Variants in CAMK1D observed in about 807,000 individuals in gnomAD.
CAMK1D encodes calcium/calmodulin-dependent protein kinase type 1D.
Under a neutral mutation model 47.7 loss-of-function variants are expected in CAMK1D, and 9 were observed. That is an observed-to-expected ratio of 0.19 (90% CI 0.11 to 0.33). The LOEUF is 0.33. CAMK1D is among the 10% of genes least tolerant of loss of function. The probability of loss-of-function intolerance (pLI) is 1.00; values close to 1 mark genes in which losing one functional copy is unlikely to be tolerated. For missense variants in CAMK1D, 291 were observed against 488.7 expected (o/e 0.60, Z 3.81); for synonymous variants, 184 against 184.9 (o/e 0.99, Z 0.04).
chr10:12,411,535 T>A lies in CAMK1D; in HGVS notation c.92+61625T>A, dbSNP rs370704528. Among the ~76,000 whole-genome samples the A allele has an allele frequency of 1.1e-3, 162 of 151,858 alleles. 1 individual carries two copies. Among genetic ancestry groups the A allele is most frequent in the African/African-American group, 3.7e-3 (153 of 41,416 alleles). ...TGCCCTGTGCCGATGGAAAAAAAAATGGGTTTTCCAGTAGAAATGTACTGT... is the reference window on the plus strand; with the variant it reads ...TGCCCTGTGCCGATGGAAAAAAAAAAGGGTTTTCCAGTAGAAATGTACTGT... On this transcript the variant is annotated intron_variant, in intron 1 of 10. Transcript: ENST00000619168.
At chr10:12,476,863 C>T (rs780652137) in intron 1 of CAMK1D, among the ~76,000 whole-genome samples, 12 of 152,168 alleles carry the variant, frequency 7.9e-5, no homozygotes, top group South Asian at 2.1e-4. Context: ...CCCAGCTCTC[C>T]GTTCTGTCTG....
intron 1 of CAMK1D, among the ~76,000 whole-genome samples, chr10:12,503,116 G>A (rs1834756905): frequency 1.3e-5 from 2 of 152,224 alleles, no homozygotes; most frequent in African/African-American, 2.4e-5. Flanking sequence ...GTACCTACGT[G>A]TGTACACATA....
intron 1 of CAMK1D, among the ~76,000 whole-genome samples, chr10:12,448,378 T>G (rs63156762): frequency 0.053 from 8 of 152 alleles, no homozygotes; most frequent in South Asian, 0.44. Context: ...TTAATTTTTA[T>G]TTTTTTTTTG....
intron 6 of CAMK1D, among the ~76,000 whole-genome samples, chr10:12,802,415 G>A (rs11257998): frequency 0.046 from 7,055 of 152,192 alleles, 503 homozygotes; most frequent in East Asian, 0.35. Context: ...CCACAGACAG[G>A]GCCATCATTA....
At chr10:12,515,862 C>G (rs1044515820) in intron 1 of CAMK1D, among the ~76,000 whole-genome samples, 1 of 152,018 alleles carries the variant, frequency 6.6e-6, no homozygotes, top group Non-Finnish European at 1.5e-5. Flanking sequence ...CCCCCTGCCT[C>G]GGCCTCCCAA....
intron 6 of CAMK1D, among the ~76,000 whole-genome samples, chr10:12,805,215 C>G (rs1187101429): frequency 6.6e-6 from 1 of 150,864 alleles, no homozygotes; most frequent in South Asian, 2.1e-4. Context: ...GCCGAGATTG[C>G]GCCACTGCAC....
intron 1 of CAMK1D, among the ~76,000 whole-genome samples, chr10:12,522,455 C>G (rs1281043344): frequency 5.5e-4 from 81 of 147,958 alleles, no homozygotes; most frequent in African/African-American, 1.9e-3. Flanking sequence ...TTGCACCGCC[C>G]TTAATCCATT....
At chr10:12,577,057 G>C (rs1369247660) in intron 2 of CAMK1D, among the ~76,000 whole-genome samples, 2 of 152,316 alleles carry the variant, frequency 1.3e-5, no homozygotes, top group East Asian at 3.9e-4. Flanking sequence ...CACGGACTGG[G>C]ATGCCTTTGT....
intron 2 of CAMK1D, among the ~76,000 whole-genome samples, chr10:12,621,782 A>G (rs1241803761): frequency 7.9e-6 from 1 of 126,614 alleles, no homozygotes; most frequent in Non-Finnish European, 1.8e-5. Context: ...ACCTTGCTGA[A>G]CTTACTTTTT....
At chr10:12,553,436 A>G (rs1836654992) in intron 2 of CAMK1D, 80 bp downstream of exon 2, 2 of 1,253,418 alleles carry the variant, frequency 1.6e-6, no homozygotes, top group Non-Finnish European at 1.2e-6. Flanking sequence ...CCGGAGGCAG[A>G]CTTTCCCCGG....
intron 3 of CAMK1D, among the ~76,000 whole-genome samples, chr10:12,698,847 A>G (rs1336964704): frequency 6.6e-6 from 1 of 151,566 alleles, no homozygotes; most frequent in East Asian, 1.9e-4. Flanking sequence ...TAATTTTTGT[A>G]TTTTTAGTAG....
intron 1 of CAMK1D, among the ~76,000 whole-genome samples, chr10:12,437,136 ACTAT>A (rs71384328): frequency 2.5e-4 from 37 of 150,802 alleles, no homozygotes; most frequent in African/African-American, 6.9e-4. Context: ...AAACAGACCG[ACTAT>A]CTATCTATCT....
chr10:12,814,399 G>A (rs958649026), intron 7 of CAMK1D, 92 bp downstream of exon 7: 117 of 755,566 alleles, frequency 1.5e-4, no homozygotes, highest in Admixed American at 1.3e-4. Flanking sequence ...GACCCTGGGG[G>A]GCTCAGAACA....
chr10:12,706,796 G>A (rs78233202), intron 3 of CAMK1D, among the ~76,000 whole-genome samples: 4,936 of 151,890 alleles, frequency 0.032, 254 homozygotes, highest in African/African-American at 0.11. Flanking sequence ...CATTCCCTCA[G>A]TTATTCTTTG....
chr10:12,814,448 A>G, intron 7 of CAMK1D, 141 bp downstream of exon 7: 3 of 550,592 alleles, frequency 5.4e-6, no homozygotes, highest in Admixed American at 3.2e-5. Flanking sequence ...CTGTAACAAG[A>G]TACCATAGAC....
chr10:12,698,829 C>T (rs11257939), intron 3 of CAMK1D, among the ~76,000 whole-genome samples: 2,229 of 151,904 alleles, frequency 0.015, 57 homozygotes, highest in African/African-American at 0.051. Flanking sequence ...CGTGCCACCA[C>T]GCCCAGCTAA....
At chr10:12,827,311 C>CTCTTCTTTCTTTCT (rs1833256936) in intron 10 of CAMK1D, among the ~76,000 whole-genome samples, 1 of 123,530 alleles carries the variant, frequency 8.1e-6, no homozygotes, top group African/African-American at 3.2e-5. Context: ...CTCTCTTTTT[C>CTCTTCTTTCTTTCT]TTTTCTTTCT....
intron 2 of CAMK1D, among the ~76,000 whole-genome samples, chr10:12,579,513 G>A (rs1222601399): frequency 6.6e-6 from 1 of 152,160 alleles, no homozygotes; most frequent in African/African-American, 2.4e-5. Context: ...TGGTGCTCCA[G>A]GCCTTCTGTA....
At chr10:12,468,392 G>A (rs1178586698) in intron 1 of CAMK1D, among the ~76,000 whole-genome samples, 1 of 152,210 alleles carries the variant, frequency 6.6e-6, no homozygotes, top group Non-Finnish European at 1.5e-5. Flanking sequence ...CAATTTTAAA[G>A]TGGTGAAGTA....
Sources: allele counts gnomAD v4.1 joint callset (sites outside exome capture counted in the v4.1 genomes callset), GRCh38; gene constraint gnomAD v4.1.1; transcripts MANE v1.5; gene names NCBI Gene and HGNC (gene_info 2026-07-23, HGNC 2026-07-21).